The following PRKDC variants were observed in gnomAD, a reference collection of about 807,000 sequenced individuals.
The protein encoded by PRKDC is protein kinase, DNA-activated, catalytic subunit, also known as DNA-dependent protein kinase catalytic subunit.
A neutral mutation model predicts 486.9 loss-of-function variants in PRKDC; 82 were observed. The observed-to-expected ratio is 0.17, with a 90% CI of 0.14 to 0.20. PRKDC has a LOEUF of 0.20. Ranked by LOEUF, PRKDC falls within the 10% of genes least tolerant of loss-of-function variation. PRKDC has a pLI of 1.00. For synonymous variants in PRKDC, 1,895 were observed against 1,837.0 expected, an observed-to-expected ratio of 1.03 and a Z score of -0.81; for missense variants, 4,504 against 5,038.2, an observed-to-expected ratio of 0.89 and a Z score of 3.21.
intron 72 of PRKDC, 72 bp downstream of exon 72, chr8:47,799,138 A>G: frequency 3.9e-6 from 6 of 1,551,230 alleles, no homozygotes; most frequent in Non-Finnish European, 5.3e-6. Context: ...AGAGGAGACC[A>G]AAGGTATGTA....
At chr8:47,927,736 G>T in intron 20 of PRKDC, 35 bp downstream of exon 20, 1 of 1,471,328 alleles carries the variant, frequency 6.8e-7, no homozygotes, top group South Asian at 1.6e-5. Context: ...TCACAACAGC[G>T]ATGAAGAGAT....
chr8:47,907,170 A>T (rs2089800086), intron 25 of PRKDC, among the ~76,000 whole-genome samples: 1 of 151,020 alleles, frequency 6.6e-6, no homozygotes, highest in Non-Finnish European at 1.5e-5. Context: ...CCTCCCGAGT[A>T]GCTGGGACTA....
At chr8:47,863,012 T>C (rs2088712931) in intron 42 of PRKDC, among the ~76,000 whole-genome samples, 2 of 152,386 alleles carry the variant, frequency 1.3e-5, no homozygotes, top group African/African-American at 2.4e-5. Flanking sequence ...ATTACTTTTG[T>C]ATTGTTTAGA....
chr8:47,906,714 CT>C (rs757267912), intron 25 of PRKDC, among the ~76,000 whole-genome samples: 3 of 151,310 alleles, frequency 2.0e-5, no homozygotes, highest in Non-Finnish European at 4.4e-5. Context: ...GAGGCCAGGG[CT>C]TTTATAGGAG....
rs775190474 is a variant in PRKDC at position 47,777,734 on chromosome 8, G to A, written c.11994C>T (p.Leu3998=). ...TGACAAACACATCCATGGTGTTGGTGAGCAGGCCAGGGTCTGAGCGGAAGG... is the reference window on the plus strand; with the variant it reads ...TGACAAACACATCCATGGTGTTGGTAAGCAGGCCAGGGTCTGAGCGGAAGG... ...LRAFRSDPGL[L]TNTMDVFVKE... is the part of the protein sequence containing the mutation. The change falls in exon 84 of 86, where the codon CTC becomes CTT. Residue 3998 remains leucine (L), a synonymous_variant. Coordinates refer to ENST00000314191, the MANE Select transcript of PRKDC (RefSeq NM_006904.7). The A allele has an allele frequency of 6.8e-6, 11 of 1,611,946 alleles. No homozygotes were observed. In the South Asian group the frequency reaches 8.8e-5, roughly 13 times the overall value.
At chr8:47,817,089 T>G (rs2087463436) in intron 68 of PRKDC, among the ~76,000 whole-genome samples, 1 of 152,168 alleles carries the variant, frequency 6.6e-6, no homozygotes. Flanking sequence ...AAATCCTAGT[T>G]ATAAAAAATA....
intron 54 of PRKDC, among the ~76,000 whole-genome samples, chr8:47,847,043 A>G (rs1476645194): frequency 2.0e-5 from 3 of 152,262 alleles, no homozygotes; most frequent in South Asian, 2.1e-4. Flanking sequence ...AGAAGAATCA[A>G]TATTGTTAGA....
intron 39 of PRKDC, 64 bp downstream of exon 39, chr8:47,879,427 C>T: frequency 7.1e-7 from 1 of 1,404,508 alleles, no homozygotes; most frequent in East Asian, 2.6e-5. Flanking sequence ...CTCTTTTCAT[C>T]AAGATATGTA....
At chr8:47,901,038 C>G (rs1028588912) in intron 27 of PRKDC, among the ~76,000 whole-genome samples, 1 of 150,644 alleles carries the variant, frequency 6.6e-6, no homozygotes, top group Non-Finnish European at 1.5e-5. Flanking sequence ...CCTGTGGTCC[C>G]AGCTACCTGG....
chr8:47,821,055 C>G (rs182824696), intron 65 of PRKDC, 112 bp from the exon 66 acceptor site: 32 of 639,564 alleles, frequency 5.0e-5, no homozygotes, highest in African/African-American at 4.6e-4. Context: ...GATTTAAAGT[C>G]AAAGCGATGA....
intron 40 of PRKDC, among the ~76,000 whole-genome samples, chr8:47,872,114 G>A (rs919451586): frequency 6.6e-6 from 1 of 152,064 alleles, no homozygotes; most frequent in African/African-American, 2.4e-5. Flanking sequence ...ACTTGAAACA[G>A]CAAAACGTTT....
At chr8:47,935,372 C>T (rs1244808817) in intron 13 of PRKDC, among the ~76,000 whole-genome samples, 8 of 151,892 alleles carry the variant, frequency 5.3e-5, no homozygotes, top group African/African-American at 1.9e-4. Flanking sequence ...TGGTGGCGGG[C>T]GCCTGTAGTC....
At chr8:47,886,296 G>A (rs1011909926) in intron 35 of PRKDC, 149 bp from the exon 36 acceptor site, 2 of 575,626 alleles carry the variant, frequency 3.5e-6, no homozygotes. Flanking sequence ...AGCTGAAATT[G>A]TATATATTTC....
At chr8:47,894,762 A>C (rs1341363578) in intron 30 of PRKDC, among the ~76,000 whole-genome samples, 5 of 152,190 alleles carry the variant, frequency 3.3e-5, no homozygotes, top group African/African-American at 1.2e-4. Flanking sequence ...GACACCTGAC[A>C]CAGACGCTTA....
chr8:47,851,987 A>AT (rs2088417362), intron 52 of PRKDC, among the ~76,000 whole-genome samples: 1 of 152,112 alleles, frequency 6.6e-6, no homozygotes, highest in Non-Finnish European at 1.5e-5. Context: ...ATGGTGGCAT[A>AT]TGCCTGTAGT....
chr8:47,846,416 AAAAAAAAAAAAAAAAG>A (rs967690653), intron 54 of PRKDC, among the ~76,000 whole-genome samples: 40 of 138,210 alleles, frequency 2.9e-4, no homozygotes, highest in African/African-American at 1.1e-3. Context: ...ACTCTGCCTC[AAAAAAAAAAAAAAAAG>A]AAAAAGAAAA....
rs1011219960 is a variant in PRKDC, at chr8:47,864,651, T to C, written c.5476A>G (p.Thr1826Ala). The C allele has an allele frequency of 1.9e-6, 3 of 1,608,850 alleles. No homozygotes were observed. In the Admixed American group the frequency reaches 5.1e-5, roughly 27 times the overall value. ...TCCAGGCTACAGTGCCACAGCAGAG[T>C]GAGGAGGGAGCGGTCCACAAAGGAC... Reference protein sequence around the residue: ...RQSFVDRSLLTLLWHCSLDAL... With the variant: ...RQSFVDRSLLALLWHCSLDAL... Residue 1826 changes from threonine to alanine, a missense_variant, in exon 41 of 86, where the codon ACT becomes GCT. This residue lies in a region of PRKDC where 1,969 missense variants were observed against 2,068.9 expected (regional missense o/e 0.95). Transcript: ENST00000314191.
At chr8:47,879,761 G>T in intron 38 of PRKDC, 103 bp from the exon 39 acceptor site, 1 of 877,442 alleles carries the variant, frequency 1.1e-6, no homozygotes, top group Non-Finnish European at 1.6e-6. Context: ...GCATTATGTG[G>T]AATCAATGAA....
intron 73 of PRKDC, among the ~76,000 whole-genome samples, chr8:47,797,092 T>C (rs999134434): frequency 2.0e-5 from 3 of 152,160 alleles, no homozygotes; most frequent in African/African-American, 4.8e-5. Flanking sequence ...GGCTTGAGTA[T>C]GGGCAAGCTT....
Sources: gnomAD v4.1 joint callset for allele counts (sites outside exome capture counted in the v4.1 genomes callset) on GRCh38, gnomAD v4.1.1 for gene constraint, gnomAD v4.1.1 regional missense constraint, MANE v1.5 for transcripts, NCBI Gene and HGNC (gene_info 2026-07-23, HGNC 2026-07-21) for gene names.